RFC5: variants seen among roughly 807,000 people sequenced by gnomAD.
The protein encoded by RFC5 is A1 36 kDa subunit.
In RFC5, 26 loss-of-function variants were observed where a neutral mutation model predicts 44.3. That is an observed-to-expected ratio of 0.59 (90% CI 0.43 to 0.81). The LOEUF (loss-of-function observed/expected upper bound fraction) is 0.81, where lower values mean the gene tolerates loss of function less well. RFC5 is among the 40% of genes least tolerant of loss of function. RFC5 has a pLI of 0.00. For missense variants in RFC5, 328 were observed against 418.6 expected (o/e 0.78, Z 1.89); for synonymous variants, 155 against 155.2 (o/e 1.00, Z 0.01).
intron 10 of RFC5, among the ~76,000 whole-genome samples, chr12:118,030,720 C>T (rs1295338629): frequency 6.6e-6 from 1 of 152,204 alleles, no homozygotes; most frequent in African/African-American, 2.4e-5. Flanking sequence ...CTCACTGCAA[C>T]CTCTGCCTCC....
At chr12:118,038,719 C>T in the RFC5 span, among the ~76,000 whole-genome samples, 1 of 152,106 alleles carries the variant, frequency 6.6e-6, no homozygotes, top group Non-Finnish European at 1.5e-5. Context: ...CTTGCTCTGT[C>T]TCCCAGACTA....
At chr12:118,032,820 G>A (rs974559119), downstream of RFC5, 1 of 152,178 alleles carries the variant, frequency 6.6e-6, no homozygotes, top group African/African-American at 2.4e-5. Flanking sequence ...TGGGATTACA[G>A]GCATGTGCCG....
chr12:118,034,427 C>T (rs1039412581), downstream of RFC5: 14 of 1,569,004 alleles, frequency 8.9e-6, no homozygotes, highest in Non-Finnish European at 1.1e-5. Context: ...GATGAATACT[C>T]ATGTTTCTGT....
At position 118,025,848 on chromosome 12, in the gene RFC5, C is replaced by CTTTTTTTT; in HGVS notation, c.663+31_663+38dup. The CTTTTTTTT allele has an allele frequency of 9.9e-7, 1 of 1,009,348 alleles. No individual in the cohort carries two copies. Among genetic ancestry groups the CTTTTTTTT allele is most frequent in the Non-Finnish European group, 1.5e-6 (1 of 680,722 alleles). The allele number at this position is 1,009,348 out of a possible 1,614,324, so 62.5% of individuals were successfully genotyped here. On this transcript the variant is annotated intron_variant, in intron 7 of 10. Transcript: ENST00000454402. ...TTGCAGGTATGGTCTCAAGCAAATC[C>CTTTTTTTT]TTTTTTTTTTTTTTTTTTGAGACAG...
Position 118,019,255 on chromosome 12 carries a change from G to C in RFC5, c.130+119G>C, listed in dbSNP as rs2030320948. 5.1e-6 allele frequency: 4 copies of C among 786,624 alleles called. No individual in the cohort carries two copies. The Middle Eastern group carries it at 9.2e-4, about 180-fold the overall frequency. 48.7% of individuals were successfully genotyped at this position (786,624 alleles called of 1,614,324 possible). On this transcript the variant is annotated intron_variant, in intron 2 of 10. Coordinates refer to ENST00000454402, the MANE Select transcript of RFC5 (RefSeq NM_007370.7). The surrounding 1 kb of genome is among the most constrained non-coding windows in gnomAD (Gnocchi z 4.2). ...AATCTGATTGCGCTTTGTAGAATGT[G>C]GCTTTAAGATCATTCATTCATTTTC...
downstream of RFC5, chr12:118,035,385 A>G (rs2068974430): frequency 1.3e-6 from 2 of 1,500,458 alleles, no homozygotes; most frequent in Non-Finnish European, 1.9e-6. Context: ...ACCCTCCATC[A>G]TCACCCTAGG....
At chr12:118,038,640 A>G in the RFC5 span, among the ~76,000 whole-genome samples, 75 of 152,312 alleles carry the variant, frequency 4.9e-4, no homozygotes, top group South Asian at 2.5e-3. Flanking sequence ...CACAATCTAT[A>G]AGATCAGTAA....
At position 118,031,299 on chromosome 12, in the gene RFC5, A is replaced by C; in HGVS notation, c.*21A>C. ...CCTAGATGCTCTGAGGGCCATTCACAATTCTCAGGGCTCAGCAGTGATGGG... is the reference window on the plus strand; with the variant it reads ...CCTAGATGCTCTGAGGGCCATTCACCATTCTCAGGGCTCAGCAGTGATGGG... On this transcript the variant is annotated 3_prime_UTR_variant, in exon 11 of 11. Coordinates refer to ENST00000454402, the MANE Select transcript of RFC5 (RefSeq NM_007370.7). The C allele has an allele frequency of 1.3e-6, 2 of 1,497,966 alleles. No individual in the cohort carries two copies. Among genetic ancestry groups the C allele is most frequent in the Non-Finnish European group, 1.9e-6 (2 of 1,074,930 alleles). 92.8% of individuals were successfully genotyped at this position (1,497,966 alleles called of 1,614,324 possible).
At chr12:118,021,892 G>T (rs2030520967) in intron 4 of RFC5, among the ~76,000 whole-genome samples, 1 of 152,112 alleles carries the variant, frequency 6.6e-6, no homozygotes, top group East Asian at 1.9e-4. Flanking sequence ...AGGAGGCAGA[G>T]GTTGCAGCGA....
chr12:118,020,614 G>A (rs1036363020), intron 3 of RFC5, among the ~76,000 whole-genome samples: 2 of 152,184 alleles, frequency 1.3e-5, no homozygotes, highest in African/African-American at 4.8e-5. Flanking sequence ...GCTGAAATTT[G>A]TATCATTCTG....
At chr12:118,030,960 G>T (rs5745890) in intron 10 of RFC5, among the ~76,000 whole-genome samples, 17,640 of 152,066 alleles carry the variant, frequency 0.12, 1,403 homozygotes, top group African/African-American at 0.22. Flanking sequence ...AAATTGAATC[G>T]GTCCTTACAA....
intron 1 of RFC5, among the ~76,000 whole-genome samples, chr12:118,018,702 C>T (rs575253316): frequency 8.5e-5 from 13 of 152,168 alleles, no homozygotes; most frequent in African/African-American, 2.6e-4. Flanking sequence ...CTCCGCCTCC[C>T]GGGTTCCAGC....
chr12:118,019,216 T>A lies in RFC5; in HGVS notation c.130+80T>A. The A allele has an allele frequency of 2.0e-6, 2 of 984,880 alleles. No individual in the cohort carries two copies. Among genetic ancestry groups the A allele is most frequent in the South Asian group, 1.3e-5 (1 of 77,284 alleles). 61.0% of individuals were successfully genotyped at this position (984,880 alleles called of 1,614,324 possible). A position where few individuals can be genotyped will look rare whatever the true frequency, so the allele number is the denominator to read the frequency against. ...GCTTGGTGATGTTGTCTCTCCTAAG[T>A]AATAACTTCAAAGAATCTGATTGCG... On this transcript the variant is annotated intron_variant, in intron 2 of 10. Transcript: ENST00000454402. The surrounding 1 kb of genome is among the most constrained non-coding windows in gnomAD (Gnocchi z 4.2).
chr12:118,022,340 C>G lies in RFC5; in HGVS notation c.402C>G (p.Ala134=). The G allele has an allele frequency of 6.2e-7, 1 of 1,613,658 alleles. No individual in the cohort carries two copies. The highest frequency in any genetic ancestry group is 1.1e-5 in the South Asian group (1 of 91,064). ...AAGCAGACGCCATGACTCAGGACGC[C>G]CAGAATGCCTTGAGAAGAGGTAAGC... ...LDEADAMTQD[A]QNALRRVIEK... is the part of the protein sequence containing the mutation. Residue 134 remains alanine, a synonymous_variant, in exon 5 of 11, where the codon GCC becomes GCG. Transcript: ENST00000454402.
At chr12:118,037,139 G>A (rs148022824), downstream of RFC5, among the ~76,000 whole-genome samples, 848 of 152,210 alleles carry the variant, frequency 5.6e-3, 8 homozygotes, top group Non-Finnish European at 6.2e-3. Context: ...CTGAGATCAC[G>A]TCACTGCACT....
At chr12:118,033,477 C>T (rs940235762), downstream of RFC5, 4 of 150,220 alleles carry the variant, frequency 2.7e-5, no homozygotes, top group African/African-American at 4.9e-5. Flanking sequence ...AATAGTCATG[C>T]GGTTTAAGAA....
chr12:118,021,785 C>T (rs1317029405), intron 4 of RFC5, among the ~76,000 whole-genome samples: 3 of 151,846 alleles, frequency 2.0e-5, no homozygotes, highest in Non-Finnish European at 2.9e-5. Context: ...AGTGAAACCT[C>T]GTCTCTACTA....
At chr12:118,029,975 G>C (rs2031210814) in intron 10 of RFC5, 150 bp downstream of exon 10, 11 of 690,056 alleles carry the variant, frequency 1.6e-5, no homozygotes, top group South Asian at 1.5e-4. Context: ...GGAATGTGGG[G>C]AAGGGTGTGA....
At chr12:118,036,329 A>C (rs1193903248), downstream of RFC5, 37 of 1,610,752 alleles carry the variant, frequency 2.3e-5, no homozygotes, top group Non-Finnish European at 3.1e-5. Flanking sequence ...GCAGGGATTC[A>C]GTCCTTACTG....
Sources: allele counts gnomAD v4.1 joint callset (sites outside exome capture counted in the v4.1 genomes callset), GRCh38; gene constraint gnomAD v4.1.1; non-coding constraint Gnocchi (gnomAD v3.1); transcripts MANE v1.5; gene names NCBI Gene and HGNC (gene_info 2026-07-23, HGNC 2026-07-21).